Variants in PCOLCE2 observed in about 807,000 individuals in gnomAD.
The protein encoded by PCOLCE2 is procollagen C-proteinase enhancer 2.
PCOLCE2 carries 42 observed loss-of-function variants against 47.0 expected under a neutral mutation model. That is an observed-to-expected ratio of 0.89 (90% confidence interval 0.70 to 1.16). The LOEUF (loss-of-function observed/expected upper bound fraction) is 1.16. Ranked by LOEUF, PCOLCE2 falls within the 50% of genes most tolerant of loss-of-function variation. PCOLCE2 has a pLI of 0.00. For missense variants in PCOLCE2, 500 were observed against 526.1 expected (o/e 0.95, Z 0.49); for synonymous variants, 169 against 191.7 (o/e 0.88, Z 0.98).
At chr3:142,852,650 T>C in intron 2 of PCOLCE2, among the ~76,000 whole-genome samples, 1 of 100,830 alleles carries the variant, frequency 9.9e-6, no homozygotes, top group Admixed American at 1.2e-4. Flanking sequence ...GATCAAAATG[T>C]GTGTGTGTGT....
chr3:142,841,638 C>A (rs1168880823), intron 4 of PCOLCE2, among the ~76,000 whole-genome samples: 1 of 151,754 alleles, frequency 6.6e-6, no homozygotes, highest in African/African-American at 2.4e-5. Flanking sequence ...AAAATAAAAC[C>A]AAGTTTTGGA....
intron 2 of PCOLCE2, among the ~76,000 whole-genome samples, chr3:142,870,726 T>C (rs1357015305): frequency 1.7e-4 from 25 of 151,108 alleles, no homozygotes; most frequent in Admixed American, 1.5e-3. Context: ...TTTTTTTTTT[T>C]ACTATATACT....
chr3:142,863,520 T>C (rs1933222337), intron 2 of PCOLCE2, among the ~76,000 whole-genome samples: 1 of 152,182 alleles, frequency 6.6e-6, no homozygotes, highest in African/African-American at 2.4e-5. Context: ...GAAAAACTTT[T>C]ACAAGAGAAA....
chr3:142,820,754 C>A, intron 8 of PCOLCE2, 124 bp downstream of exon 8: 1 of 758,194 alleles, frequency 1.3e-6, no homozygotes. Context: ...CTGCCTGACT[C>A]CAAAGGCCTT....
chr3:142,841,533 T>A (rs1057488071), intron 4 of PCOLCE2, among the ~76,000 whole-genome samples: 2 of 152,142 alleles, frequency 1.3e-5, no homozygotes, highest in Non-Finnish European at 2.9e-5. Context: ...GGTTTAAATG[T>A]TTCAGAAACA....
chr3:142,862,155 C>A (rs558317069), intron 2 of PCOLCE2, among the ~76,000 whole-genome samples: 1 of 152,132 alleles, frequency 6.6e-6, no homozygotes, highest in Non-Finnish European at 1.5e-5. Flanking sequence ...AGAGACAGCA[C>A]CCTTGCTGCT....
At chr3:142,843,141 A>G in intron 3 of PCOLCE2, 93 bp from the exon 4 acceptor site, 1 of 1,285,644 alleles carries the variant, frequency 7.8e-7, no homozygotes, top group East Asian at 2.3e-5. Flanking sequence ...ATCTTTGGTG[A>G]GAGTACAGTA....
At chr3:142,825,213 G>A (rs913026472) in intron 6 of PCOLCE2, among the ~76,000 whole-genome samples, 1 of 151,960 alleles carries the variant, frequency 6.6e-6, no homozygotes, top group Non-Finnish European at 1.5e-5. Flanking sequence ...GCCCTTTCCC[G>A]GGCCCATTGG....
intron 2 of PCOLCE2, among the ~76,000 whole-genome samples, chr3:142,870,784 C>G (rs116435572): frequency 1.3e-5 from 2 of 150,554 alleles, no homozygotes; most frequent in African/African-American, 4.9e-5. Flanking sequence ...TCTTCAGCAG[C>G]GAGCACACCT....
chr3:142,873,393 C>CA (rs374190713), intron 2 of PCOLCE2, among the ~76,000 whole-genome samples: 4,474 of 81,276 alleles, frequency 0.055, 233 homozygotes, highest in African/African-American at 0.16. Context: ...AACTCCATCT[C>CA]AAAAAAAAAA....
intron 8 of PCOLCE2, among the ~76,000 whole-genome samples, chr3:142,819,889 C>T (rs1410460398): frequency 6.6e-6 from 1 of 152,136 alleles, no homozygotes; most frequent in Non-Finnish European, 1.5e-5. Flanking sequence ...AAGCAATCCT[C>T]CCATCTCAGC....
chr3:142,882,497 T>C (rs1435235939), intron 2 of PCOLCE2, among the ~76,000 whole-genome samples: 1 of 152,240 alleles, frequency 6.6e-6, no homozygotes, highest in African/African-American at 2.4e-5. Context: ...TCAGTACTTT[T>C]AAATTATAAA....
chr3:142,856,436 C>A (rs974753893), intron 2 of PCOLCE2, among the ~76,000 whole-genome samples: 9 of 152,156 alleles, frequency 5.9e-5, no homozygotes, highest in African/African-American at 1.9e-4. Flanking sequence ...GGCTACAAAA[C>A]GAACAAGACA....
intron 2 of PCOLCE2, among the ~76,000 whole-genome samples, chr3:142,863,038 C>T (rs1933209406): frequency 6.7e-6 from 1 of 149,828 alleles, no homozygotes; most frequent in African/African-American, 2.5e-5. Context: ...GTATTAGTTC[C>T]CATTTTTCAC....
chr3:142,818,331 A>G lies in PCOLCE2; in HGVS notation c.*4T>C. The G allele has an allele frequency of 1.2e-6, 2 of 1,612,956 alleles. No individual in the cohort carries two copies. The highest frequency in any genetic ancestry group is 2.7e-5 in the African/African-American group (2 of 74,970). Reference sequence around the variant, plus strand: ...AATACAGCTTAAATGGACACAGTTCACTGTTAACATTGCTTATTTTTTAAG... The same window carrying G: ...AATACAGCTTAAATGGACACAGTTCGCTGTTAACATTGCTTATTTTTTAAG... On this transcript the variant is annotated 3_prime_UTR_variant, in exon 9 of 9. Transcript: ENST00000295992.
In PCOLCE2 at chr3:142,838,791, T is replaced by C. The variant is rs768278174; in HGVS notation, c.689A>G (p.Tyr230Cys). The change falls in exon 5 of 9, where the codon TAT becomes TGT. Residue 230 changes from tyrosine to cysteine, a missense_variant. Transcript: ENST00000295992. Reference protein sequence around the residue: ...EVNDARRIGKYCGDSPPAPIV... With the variant: ...EVNDARRIGKCCGDSPPAPIV... Reference sequence around the variant, plus strand: ...TTACGCAGGTGGACTATCACCACAATACTTTCCAATTCTTCTAGCATCGTT... The same window carrying C: ...TTACGCAGGTGGACTATCACCACAACACTTTCCAATTCTTCTAGCATCGTT... 1 of 1,613,972 alleles carries C rather than the reference T, an allele frequency of 6.2e-7. No homozygotes were observed. Among genetic ancestry groups the C allele is most frequent in the Non-Finnish European group, 8.5e-7 (1 of 1,179,876 alleles).
At chr3:142,841,920 T>C (rs1006128647) in intron 4 of PCOLCE2, among the ~76,000 whole-genome samples, 5 of 152,324 alleles carry the variant, frequency 3.3e-5, no homozygotes, top group Admixed American at 6.5e-5. Flanking sequence ...ATTTCATGTG[T>C]TTCTATGCTA....
At chr3:142,850,155 T>G (rs944165560) in intron 2 of PCOLCE2, among the ~76,000 whole-genome samples, 2 of 151,616 alleles carry the variant, frequency 1.3e-5, no homozygotes, top group African/African-American at 4.9e-5. Flanking sequence ...GTTGTAAAAC[T>G]TCCTGTCTTT....
At chr3:142,831,543 T>C (rs1324349409) in intron 5 of PCOLCE2, among the ~76,000 whole-genome samples, 2 of 152,204 alleles carry the variant, frequency 1.3e-5, no homozygotes, top group Non-Finnish European at 2.9e-5. Flanking sequence ...ACAAAAGTGA[T>C]GAAGTTATTT....
Sources: gnomAD v4.1 joint callset for allele counts (sites outside exome capture counted in the v4.1 genomes callset) on GRCh38, gnomAD v4.1.1 for gene constraint, MANE v1.5 for transcripts, NCBI Gene and HGNC (gene_info 2026-07-23, HGNC 2026-07-21) for gene names.